The following LOC400499 variants were observed in gnomAD, a reference collection of about 807,000 sequenced individuals.
the LOC400499 span, among the ~76,000 whole-genome samples, chr16:11,452,034 C>T: frequency 1.4e-3 from 217 of 152,224 alleles, 2 homozygotes; most frequent in African/African-American, 5.0e-3. Context: ...ACATGCCCCA[C>T]CTATGTATAG....
the LOC400499 span, among the ~76,000 whole-genome samples, chr16:11,445,143 A>G: frequency 2.6e-5 from 4 of 151,726 alleles, no homozygotes; most frequent in African/African-American, 9.7e-5. Flanking sequence ...CGAAAGCTAT[A>G]GGGCAAGCTG....
At chr16:11,380,516 G>T in the LOC400499 span, among the ~76,000 whole-genome samples, 1 of 151,776 alleles carries the variant, frequency 6.6e-6, no homozygotes, top group African/African-American at 2.4e-5. Context: ...ACAGAGCAGA[G>T]ACCCTGTCTC....
At chr16:11,509,434 T>C in the LOC400499 span, among the ~76,000 whole-genome samples, 2 of 151,554 alleles carry the variant, frequency 1.3e-5, no homozygotes, top group Non-Finnish European at 2.9e-5. Flanking sequence ...GAGTATCCTT[T>C]AACAGAAACA....
the LOC400499 span, chr16:11,443,362 T>C: frequency 3.1e-6 from 1 of 325,866 alleles, no homozygotes; most frequent in Admixed American, 4.7e-5. Context: ...AAAAAAATGA[T>C]CGGAGGGGTC....
chr16:11,510,506 A>C, the LOC400499 span, among the ~76,000 whole-genome samples: 1 of 151,630 alleles, frequency 6.6e-6, no homozygotes, highest in Non-Finnish European at 1.5e-5. Flanking sequence ...CCCCTGTCTA[A>C]GTCACTGGCT....
the LOC400499 span, among the ~76,000 whole-genome samples, chr16:11,397,043 C>G: frequency 1.2e-4 from 19 of 152,194 alleles, no homozygotes; most frequent in African/African-American, 3.6e-4. Flanking sequence ...ACAACGTTTA[C>G]TACACCCTGA....
the LOC400499 span, among the ~76,000 whole-genome samples, chr16:11,395,161 G>A: frequency 0.46 from 70,443 of 151,994 alleles, 18,572 homozygotes; most frequent in Admixed American, 0.61. Flanking sequence ...GCTCAGCCCC[G>A]CTGGGTGTCA....
chr16:11,395,646 G>C, the LOC400499 span, among the ~76,000 whole-genome samples: 4 of 152,264 alleles, frequency 2.6e-5, no homozygotes, highest in Non-Finnish European at 4.4e-5. Flanking sequence ...ACATGCAGAT[G>C]TTGTACAAAT....
At chr16:11,414,156 G>A in the LOC400499 span, among the ~76,000 whole-genome samples, 1 of 152,370 alleles carries the variant, frequency 6.6e-6, no homozygotes, top group Admixed American at 6.5e-5. Context: ...GATTGGAAAT[G>A]CAGAGACTGC....
At chr16:11,426,786 G>C in the LOC400499 span, among the ~76,000 whole-genome samples, 1 of 150,812 alleles carries the variant, frequency 6.6e-6, no homozygotes, top group African/African-American at 2.4e-5. Context: ...ATCTGGGCAT[G>C]GTGGCAGGTA....
At chr16:11,428,599 G>C in the LOC400499 span, among the ~76,000 whole-genome samples, 2 of 152,168 alleles carry the variant, frequency 1.3e-5, no homozygotes, top group African/African-American at 4.8e-5. Flanking sequence ...TCACCATCTT[G>C]GTTTTGGTGG....
chr16:11,456,245 A>G, the LOC400499 span, among the ~76,000 whole-genome samples: 2 of 152,138 alleles, frequency 1.3e-5, no homozygotes, highest in African/African-American at 2.4e-5. Context: ...GGGTTTCACC[A>G]TGTTGGCCAG....
chr16:11,398,559 C>T, the LOC400499 span: 3 of 1,217,442 alleles, frequency 2.5e-6, no homozygotes, highest in Non-Finnish European at 3.1e-6. Context: ...AAGAGAATGC[C>T]CATGGCCAGC....
the LOC400499 span, among the ~76,000 whole-genome samples, chr16:11,491,411 C>T: frequency 6.6e-6 from 1 of 152,154 alleles, no homozygotes. Flanking sequence ...AGAGGCCTCA[C>T]TGATTCCCAT....
the LOC400499 span, among the ~76,000 whole-genome samples, chr16:11,511,459 T>C: frequency 6.6e-6 from 1 of 152,128 alleles, no homozygotes; most frequent in Non-Finnish European, 1.5e-5. Context: ...CTCCTGGGAA[T>C]GACAGTGAAA....
At chr16:11,393,695 A>G in the LOC400499 span, 1 of 647,146 alleles carries the variant, frequency 1.5e-6, no homozygotes, top group Non-Finnish European at 2.2e-6. Flanking sequence ...GGGAAGGCAC[A>G]ATGCCCACGC....
the LOC400499 span, chr16:11,396,523 G>A: frequency 8.9e-6 from 11 of 1,232,088 alleles, no homozygotes; most frequent in Non-Finnish European, 1.0e-5. Flanking sequence ...CCAGTGCCCC[G>A]GAGAAGTCAG....
chr16:11,413,101 G>T, the LOC400499 span: 21 of 396,062 alleles, frequency 5.3e-5, no homozygotes, highest in African/African-American at 2.1e-5. Context: ...ACTCTCACAG[G>T]TGCTGAGGAT....
the LOC400499 span, chr16:11,384,178 C>T: frequency 8.2e-7 from 1 of 1,222,708 alleles, no homozygotes; most frequent in Non-Finnish European, 1.0e-6. Context: ...CCTCAAGAAC[C>T]TCAGCTGGAA....
Sources: gnomAD v4.1 joint callset for allele counts (sites outside exome capture counted in the v4.1 genomes callset) on GRCh38, gnomAD v4.1.1 for gene constraint, MANE v1.5 for transcripts.